Variants in SYCP1 observed in about 807,000 individuals in gnomAD.
SYCP1 encodes the protein synaptonemal complex protein 1.
In SYCP1, 64 loss-of-function variants were observed where a neutral mutation model predicts 153.1. The ratio of observed to expected loss-of-function variants is 0.42; its 90% CI spans 0.34 to 0.51. The LOEUF is 0.51. Among genes scored for constraint, SYCP1 ranks in the 20% least tolerant of loss-of-function variants. The probability of loss-of-function intolerance (pLI) is 0.06; values close to 1 mark genes in which losing one functional copy is unlikely to be tolerated. For missense variants in SYCP1, 997 were observed against 1,049.0 expected (o/e 0.95, Z 0.68); for synonymous variants, 384 against 341.8 (o/e 1.12, Z -1.36).
intron 8 of SYCP1, among the ~76,000 whole-genome samples, chr1:114,864,963 T>C (rs1252383255): frequency 6.6e-6 from 1 of 152,198 alleles, no homozygotes; most frequent in Admixed American, 6.6e-5. Flanking sequence ...GCTGCACCCA[T>C]TAACTCGTCA....
At chr1:114,854,413 C>T (rs1236520382), upstream of SYCP1, among the ~76,000 whole-genome samples, 1 of 152,200 alleles carries the variant, frequency 6.6e-6, no homozygotes, top group East Asian at 1.9e-4. Context: ...GTTGGGATTA[C>T]AGGCGTGAGC....
intron 8 of SYCP1, among the ~76,000 whole-genome samples, chr1:114,867,432 T>A (rs1347116992): frequency 6.6e-6 from 1 of 152,166 alleles, no homozygotes; most frequent in Non-Finnish European, 1.5e-5. Flanking sequence ...ATTGTTTTCA[T>A]CAAAATTTTA....
intron 27 of SYCP1, among the ~76,000 whole-genome samples, chr1:114,969,343 A>C (rs753616997): frequency 1.3e-4 from 20 of 152,062 alleles, no homozygotes; most frequent in Non-Finnish European, 2.6e-4. Flanking sequence ...CTGCCCAGAG[A>C]GGAGGAAACT....
intron 23 of SYCP1, among the ~76,000 whole-genome samples, chr1:114,938,603 AG>A (rs930308127): frequency 7.2e-5 from 11 of 152,244 alleles, no homozygotes; most frequent in East Asian, 3.9e-4. Context: ...AATTTGATAA[AG>A]GAAAAAAAAG....
intron 27 of SYCP1, among the ~76,000 whole-genome samples, chr1:114,973,931 A>G (rs1672649092): frequency 6.6e-6 from 1 of 151,912 alleles, no homozygotes. Flanking sequence ...TTTGCATTGC[A>G]TATTTTGATG....
chr1:114,881,045 A>G (rs1017300676), intron 12 of SYCP1, among the ~76,000 whole-genome samples: 4 of 118,324 alleles, frequency 3.4e-5, no homozygotes, highest in Non-Finnish European at 5.2e-5. Flanking sequence ...CAGTATTCCA[A>G]TTTGTGTATA....
intron 23 of SYCP1, among the ~76,000 whole-genome samples, chr1:114,943,304 T>C (rs1234088357): frequency 3.3e-5 from 5 of 151,980 alleles, no homozygotes; most frequent in African/African-American, 1.2e-4. Flanking sequence ...AGAACATTCA[T>C]AGCACTATTG....
chr1:114,910,464 C>T lies in SYCP1; in HGVS notation c.1388C>T (p.Thr463Ile). 1 of 1,600,818 alleles carries T rather than the reference C, an allele frequency of 6.2e-7. No homozygotes were observed. The highest frequency in any genetic ancestry group is 8.5e-7 in the Non-Finnish European group (1 of 1,174,754). Residue 463 changes from threonine to isoleucine, a missense_variant, in exon 17 of 32, where the codon ACA becomes ATA. Transcript: ENST00000369522. ...AAGATTGCTGAAGAATTAAAAGGAA[C>T]AGAACAAGAACTAATTGGTCTTCTC... The part of the protein sequence containing the change: ...FEKIAEELKG[T>I]EQELIGLLQA...
At chr1:114,861,288 A>G (rs1427711225) in intron 8 of SYCP1, among the ~76,000 whole-genome samples, 1 of 152,214 alleles carries the variant, frequency 6.6e-6, no homozygotes, top group Non-Finnish European at 1.5e-5. Flanking sequence ...TGTGTATGTG[A>G]AAGAACAGTT....
intron 27 of SYCP1, among the ~76,000 whole-genome samples, chr1:114,972,578 A>T (rs1672565558): frequency 6.6e-6 from 1 of 152,052 alleles, no homozygotes; most frequent in Non-Finnish European, 1.5e-5. Context: ...CATTTGCTGT[A>T]TCCTTTAGAT....
intron 12 of SYCP1, among the ~76,000 whole-genome samples, chr1:114,883,407 C>T (rs1666082875): frequency 2.0e-5 from 3 of 152,134 alleles, no homozygotes; most frequent in African/African-American, 7.2e-5. Flanking sequence ...TGACTCTGTT[C>T]ATGGTGCTTT....
chr1:114,864,804 C>A (rs903956322), intron 8 of SYCP1, among the ~76,000 whole-genome samples: 1 of 151,968 alleles, frequency 6.6e-6, no homozygotes, highest in Admixed American at 6.6e-5. Flanking sequence ...TTTCTTCTAA[C>A]CTCTCTTCCA....
intron 30 of SYCP1, among the ~76,000 whole-genome samples, chr1:114,993,603 G>A (rs1353653616): frequency 6.6e-6 from 1 of 151,394 alleles, no homozygotes; most frequent in Non-Finnish European, 1.5e-5. Flanking sequence ...ATTAAAATAT[G>A]CAAAGTGATT....
intron 30 of SYCP1, among the ~76,000 whole-genome samples, chr1:114,989,604 T>A (rs998935005): frequency 6.6e-6 from 1 of 151,982 alleles, no homozygotes; most frequent in South Asian, 2.1e-4. Flanking sequence ...AACTATATGC[T>A]GTTTTCAAGA....
intron 27 of SYCP1, among the ~76,000 whole-genome samples, chr1:114,975,333 A>AGTGTGT (rs10641182): frequency 9.8e-4 from 143 of 146,562 alleles, no homozygotes; most frequent in African/African-American, 2.6e-3. Context: ...CTCTAAAGTA[A>AGTGTGT]GTGTGTGTGT....
chr1:114,982,619 GC>G (rs568287957), intron 29 of SYCP1, among the ~76,000 whole-genome samples: 1 of 151,586 alleles, frequency 6.6e-6, no homozygotes, highest in Non-Finnish European at 1.5e-5. Context: ...TTGTTTTCAT[GC>G]TTTTCTTCAT....
At chr1:114,921,789 T>C (rs1314239385) in intron 20 of SYCP1, among the ~76,000 whole-genome samples, 1 of 152,224 alleles carries the variant, frequency 6.6e-6, no homozygotes, top group Non-Finnish European at 1.5e-5. Flanking sequence ...TTCTTTCAGA[T>C]GGAAGAACTC....
At chr1:114,896,739 T>C (rs1011419519) in intron 16 of SYCP1, among the ~76,000 whole-genome samples, 8 of 152,222 alleles carry the variant, frequency 5.3e-5, no homozygotes, top group African/African-American at 1.9e-4. Context: ...TACTAAAGCA[T>C]TGGCTTTTAT....
chr1:114,882,615 T>G (rs947169752), intron 12 of SYCP1, among the ~76,000 whole-genome samples: 1 of 152,170 alleles, frequency 6.6e-6, no homozygotes, highest in Non-Finnish European at 1.5e-5. Context: ...ATGATAGTTT[T>G]TAGTCAAAGT....
Sources: gnomAD v4.1 joint callset for allele counts (sites outside exome capture counted in the v4.1 genomes callset) on GRCh38, gnomAD v4.1.1 for gene constraint, MANE v1.5 for transcripts, NCBI Gene and HGNC (gene_info 2026-07-23, HGNC 2026-07-21) for gene names.